Variants in USP24 observed in about 807,000 individuals in gnomAD.
The protein encoded by USP24 is ubiquitin carboxyl-terminal hydrolase 24.
A neutral mutation model predicts 361.6 loss-of-function variants in USP24; 97 were observed. The observed-to-expected ratio is 0.27, with a 90% CI of 0.23 to 0.32. USP24 has a LOEUF of 0.32. Ranked by LOEUF, USP24 falls within the 10% of genes least tolerant of loss-of-function variation. USP24 has a pLI of 1.00. For synonymous variants in USP24, 1,098 were observed against 1,124.6 expected, an observed-to-expected ratio of 0.98 and a Z score of 0.47; for missense variants, 2,353 against 3,165.6, an observed-to-expected ratio of 0.74 and a Z score of 6.16.
At chr1:55,184,920 G>C (rs1364395935) in intron 1 of USP24, among the ~76,000 whole-genome samples, 1 of 152,052 alleles carries the variant, frequency 6.6e-6, no homozygotes, top group Non-Finnish European at 1.5e-5. Context: ...TACAGCAAAA[G>C]CAGTGATTAA....
At chr1:55,196,358 A>T (rs907212690) in intron 1 of USP24, among the ~76,000 whole-genome samples, 7 of 152,090 alleles carry the variant, frequency 4.6e-5, no homozygotes, top group Non-Finnish European at 1.5e-5. Flanking sequence ...TTTCATTATC[A>T]TTCTTCCAAG....
At chr1:55,093,145 G>A (rs775757889) in intron 52 of USP24, among the ~76,000 whole-genome samples, 1 of 152,088 alleles carries the variant, frequency 6.6e-6, no homozygotes, top group Non-Finnish European at 1.5e-5. Context: ...ATACCCTTTT[G>A]GGAAATTCAG....
chr1:55,192,988 A>G (rs1040709207), intron 1 of USP24, among the ~76,000 whole-genome samples: 2 of 152,184 alleles, frequency 1.3e-5, no homozygotes, highest in Non-Finnish European at 2.9e-5. Flanking sequence ...CATGGGTTCA[A>G]CCAATTGTGA....
At position 55,092,047 on chromosome 1, in the gene USP24, T is replaced by A; in HGVS notation, c.6530A>T (p.Tyr2177Phe). 11 of 1,611,544 alleles carry A rather than the reference T, an allele frequency of 6.8e-6. No homozygotes were observed. Among genetic ancestry groups the A allele is most frequent in the Non-Finnish European group, 9.3e-6 (11 of 1,178,720 alleles). Residue 2177 changes from tyrosine (Y) to phenylalanine (F), a missense_variant, in exon 54 of 68, where the codon TAT becomes TTT. Coordinates refer to ENST00000294383, the MANE Select transcript of USP24 (RefSeq NM_015306.3). ...CCTGAGTTTCTTCTTTGTCCGTAGA[T>A]AAGTTTGAAAAAGGAATTGAATAGC... ...QLAIQFLFQT[Y>F]LRTKKKLRVD...
At chr1:55,197,186 G>A (rs1569753053) in intron 1 of USP24, among the ~76,000 whole-genome samples, 1 of 152,110 alleles carries the variant, frequency 6.6e-6, no homozygotes, top group Non-Finnish European at 1.5e-5. Context: ...AATATGACCT[G>A]CTCTGTGAGG....
chr1:55,195,618 AAAG>A (rs1275028626), intron 1 of USP24, among the ~76,000 whole-genome samples: 2 of 152,236 alleles, frequency 1.3e-5, no homozygotes, highest in African/African-American at 4.8e-5. Context: ...CAGCCTTTAA[AAAG>A]AAGGCAATCT....
intron 38 of USP24, among the ~76,000 whole-genome samples, chr1:55,119,702 T>G (rs1397279003): frequency 6.6e-6 from 1 of 151,914 alleles, no homozygotes; most frequent in Non-Finnish European, 1.5e-5. Context: ...GTTATATATA[T>G]AGATATATAT....
In USP24 at chr1:55,215,310, G is replaced by A. The variant is rs577807333; in HGVS notation, c.-197C>T. Among the ~76,000 whole-genome samples the A allele has an allele frequency of 5.9e-5, 9 of 151,906 alleles. No homozygotes were observed. The highest frequency in any genetic ancestry group is 4.1e-4 in the South Asian group (2 of 4,820). On this transcript the variant is annotated 5_prime_UTR_variant, in exon 1 of 68. Transcript: ENST00000294383. ...GCGAGCCGAGCTAGTGCGGTGAGGC[G>A]CTCAGGCGCGGCTGCGGCCCGGCCC... is the stretch of plus-strand genomic sequence containing the variant.
In USP24 at chr1:55,071,820, T is replaced by C. The variant is rs757905909; in HGVS notation, c.7794A>G (p.Leu2598=). ...GACATGCTGACCGTTATACCTGCTG[T>C]AGATGCCTGTCTCCGTTCTCATTGG... ...SPANENGDRH[L]QQGSESPMMI... The change falls in exon 67 of 68, where the codon CTA becomes CTG. Residue 2598 remains leucine (L), a synonymous_variant. Coordinates refer to ENST00000294383, the MANE Select transcript of USP24 (RefSeq NM_015306.3). 3.1e-6 allele frequency: 5 copies of C among 1,612,238 alleles called. No homozygotes were observed. Among genetic ancestry groups the C allele is most frequent in the South Asian group, 1.1e-5 (1 of 90,362 alleles).
At chr1:55,177,919 C>G in intron 2 of USP24, 48 bp downstream of exon 2, 1 of 1,516,260 alleles carries the variant, frequency 6.6e-7, no homozygotes, top group East Asian at 2.5e-5. Context: ...AAACTCAGGC[C>G]TTCTATGAAA....
At chr1:55,213,681 T>G (rs1290347824) in intron 1 of USP24, among the ~76,000 whole-genome samples, 1 of 152,212 alleles carries the variant, frequency 6.6e-6, no homozygotes, top group Non-Finnish European at 1.5e-5. Flanking sequence ...CCAAAATTCC[T>G]GCCATGAGCT....
chr1:55,138,836 GGGTGTGGT>G (rs1646809465), intron 25 of USP24, 100 bp downstream of exon 25: 1 of 1,316,320 alleles, frequency 7.6e-7, no homozygotes, highest in Admixed American at 2.0e-5. Flanking sequence ...GAGGCTAACT[GGGTGTGGT>G]GGTGTGTGCT....
chr1:55,132,721 A>G, intron 30 of USP24, 21 bp from the exon 31 acceptor site: 1 of 1,603,646 alleles, frequency 6.2e-7, no homozygotes, highest in Non-Finnish European at 8.5e-7. Flanking sequence ...GAGAATGAGA[A>G]AGACATAAAC....
rs1650147625 is a variant in USP24 at position 55,177,874 on chromosome 1, T to G, written c.490+93A>C. The stretch of plus-strand genomic sequence containing the variant: ...CTAAGAGAATAAATGATCTGTCCAA[T>G]AACACACAGCTAGGCAACAACAAAG... On this transcript the variant is annotated intron_variant, in intron 2 of 67. Coordinates refer to ENST00000294383, the MANE Select transcript of USP24 (RefSeq NM_015306.3). 36 of 1,230,814 alleles carry G rather than the reference T, an allele frequency of 2.9e-5. No individual in the cohort carries two copies. In the South Asian group the frequency reaches 5.6e-4, roughly 19 times the overall value. The allele number at this position is 1,230,814 out of a possible 1,614,324, so 76.2% of individuals were successfully genotyped here.
intron 7 of USP24, among the ~76,000 whole-genome samples, chr1:55,164,942 C>T (rs893894807): frequency 4.6e-5 from 7 of 152,040 alleles, no homozygotes; most frequent in African/African-American, 1.7e-4. Context: ...GACAGTTCAA[C>T]AACCTAATTA....
chr1:55,090,484 T>C (rs1338090160), intron 54 of USP24, among the ~76,000 whole-genome samples: 1 of 152,236 alleles, frequency 6.6e-6, no homozygotes, highest in Non-Finnish European at 1.5e-5. Flanking sequence ...TAATATATCT[T>C]TGATTATTAT....
intron 55 of USP24, 88 bp from the exon 56 acceptor site, chr1:55,086,126 G>A: frequency 7.8e-7 from 1 of 1,278,038 alleles, no homozygotes; most frequent in Non-Finnish European, 1.1e-6. Context: ...TAATAGCCAA[G>A]AAACAAAAGT....
intron 1 of USP24, among the ~76,000 whole-genome samples, chr1:55,185,753 G>C (rs1644113237): frequency 1.3e-5 from 2 of 149,550 alleles, no homozygotes; most frequent in African/African-American, 2.5e-5. Flanking sequence ...TTTTTTTGTA[G>C]AGACAGGGAC....
At chr1:55,147,124 A>C in intron 18 of USP24, 64 bp from the exon 19 acceptor site, 1 of 1,432,296 alleles carries the variant, frequency 7.0e-7, no homozygotes, top group African/African-American at 1.5e-5. Flanking sequence ...CAACATTAAA[A>C]CAAAACAAAA....
Sources: gnomAD v4.1 joint callset for allele counts (sites outside exome capture counted in the v4.1 genomes callset) on GRCh38, gnomAD v4.1.1 for gene constraint, MANE v1.5 for transcripts, NCBI Gene and HGNC (gene_info 2026-07-23, HGNC 2026-07-21) for gene names.